The following ERO1A variants were observed in gnomAD, a reference collection of about 807,000 sequenced individuals.
ERO1A encodes the protein ERO1-like protein alpha.
In ERO1A, 49 loss-of-function variants were observed where a neutral mutation model predicts 76.9. The observed-to-expected ratio is 0.64, with a 90% CI of 0.51 to 0.81. The LOEUF (loss-of-function observed/expected upper bound fraction) is 0.81. ERO1A is among the 30% of genes least tolerant of loss of function. ERO1A has a pLI of 0.00. For synonymous variants in ERO1A, 174 were observed against 181.2 expected (o/e 0.96, Z 0.32); for missense variants, 448 against 542.1 (o/e 0.83, Z 1.72).
At chr14:52,681,884 GTA>G (rs1004934110) in intron 3 of ERO1A, among the ~76,000 whole-genome samples, 1 of 152,042 alleles carries the variant, frequency 6.6e-6, no homozygotes, top group Non-Finnish European at 1.5e-5. Context: ...CAGAAAAGAT[GTA>G]AGAGGAAAAT....
chr14:52,669,962 C>T (rs971901718), intron 6 of ERO1A, among the ~76,000 whole-genome samples: 1 of 152,144 alleles, frequency 6.6e-6, no homozygotes, highest in African/African-American at 2.4e-5. Context: ...TCACTCTGTC[C>T]TAGGCTTGGA....
chr14:52,663,549 A>G lies in ERO1A; in HGVS notation c.676+252T>C, dbSNP rs1307806694. ...CGGGAGGCGAAGTTTGCAGTGAGCC[A>G]AAGTCACGCCACTGCACTCCAGCCT... On this transcript the variant is annotated intron_variant, in intron 8 of 15. Transcript: ENST00000395686. Among the ~76,000 whole-genome samples the G allele has an allele frequency of 1.4e-3, 213 of 151,492 alleles. 2 individuals carry two copies. Among genetic ancestry groups the G allele is most frequent in the African/African-American group, 4.9e-3 (203 of 41,068 alleles).
chr14:52,691,503 G>T (rs936761360), intron 1 of ERO1A, among the ~76,000 whole-genome samples: 2 of 152,210 alleles, frequency 1.3e-5, no homozygotes, highest in African/African-American at 4.8e-5. Context: ...CTCTGACTAA[G>T]TTATAATCCT....
chr14:52,682,922 A>G (rs564639977), intron 2 of ERO1A, among the ~76,000 whole-genome samples: 1 of 151,496 alleles, frequency 6.6e-6, no homozygotes, highest in Non-Finnish European at 1.5e-5. Context: ...AAAGACACAG[A>G]TTGGGCTGGG....
chr14:52,652,747 A>C (rs1400738260), intron 12 of ERO1A, among the ~76,000 whole-genome samples: 1 of 152,224 alleles, frequency 6.6e-6, no homozygotes, highest in Non-Finnish European at 1.5e-5. Flanking sequence ...TAATCCCAGC[A>C]CTTTGGGAGG....
intron 1 of ERO1A, among the ~76,000 whole-genome samples, chr14:52,685,919 G>A (rs2041162267): frequency 1.3e-5 from 2 of 152,290 alleles, no homozygotes; most frequent in Middle Eastern, 3.4e-3. Flanking sequence ...CTTCCAGAAA[G>A]CACACAGTAG....
intron 4 of ERO1A, among the ~76,000 whole-genome samples, chr14:52,673,740 A>G (rs2040688514): frequency 2.4e-5 from 1 of 42,146 alleles, no homozygotes; most frequent in Non-Finnish European, 4.3e-5. Context: ...AATTTTAACA[A>G]TTACTCCTTT....
chr14:52,658,934 T>C (rs2040141067), intron 9 of ERO1A, among the ~76,000 whole-genome samples: 1 of 152,110 alleles, frequency 6.6e-6, no homozygotes, highest in South Asian at 2.1e-4. Flanking sequence ...CTGTACAGTG[T>C]TTTCTACTAA....
intron 15 of ERO1A, among the ~76,000 whole-genome samples, chr14:52,644,252 G>A (rs977579890): frequency 3.9e-5 from 6 of 152,080 alleles, no homozygotes; most frequent in African/African-American, 1.4e-4. Context: ...CCAGGAGTTT[G>A]AGACCAGCAA....
chr14:52,644,754 G>A (rs1220391496), intron 15 of ERO1A, among the ~76,000 whole-genome samples: 2 of 151,962 alleles, frequency 1.3e-5, no homozygotes, highest in Non-Finnish European at 2.9e-5. Context: ...TGACTACACT[G>A]TTTTCACTAA....
chr14:52,675,893 G>A (rs766225076), intron 4 of ERO1A, among the ~76,000 whole-genome samples: 3 of 152,078 alleles, frequency 2.0e-5, no homozygotes, highest in Middle Eastern at 6.8e-3. Flanking sequence ...CCATGTTGCC[G>A]AGGCTGGTCT....
intron 1 of ERO1A, among the ~76,000 whole-genome samples, chr14:52,690,957 G>C (rs2041334417): frequency 6.6e-6 from 1 of 152,006 alleles, no homozygotes; most frequent in Admixed American, 6.6e-5. Flanking sequence ...AGTAGAGATG[G>C]GGTTTCTTCA....
intron 9 of ERO1A, among the ~76,000 whole-genome samples, chr14:52,659,750 A>G (rs2040169062): frequency 6.7e-6 from 1 of 149,906 alleles, no homozygotes; most frequent in South Asian, 2.1e-4. Flanking sequence ...GAGTTAGGGG[A>G]TAATACTGCT....
Position 52,692,142 on chromosome 14 carries a change from A to G in ERO1A, c.114+3226T>C, listed in dbSNP as rs1399308985. The stretch of plus-strand genomic sequence containing the variant: ...ATACTCCTGTTGGCATAGTGCTTGC[A>G]TCTTATAATTTCCCTAGGACTTGTT... On this transcript the variant is annotated intron_variant, in intron 1 of 15. Coordinates refer to ENST00000395686, the MANE Select transcript of ERO1A (RefSeq NM_014584.3). 2.0e-5 allele frequency among the ~76,000 whole-genome samples: 3 copies of G among 152,242 alleles called. No homozygotes were observed. In the South Asian group the frequency reaches 6.2e-4, roughly 32 times the overall value.
At chr14:52,646,534 C>CT (rs1443070525) in intron 13 of ERO1A, 73 bp from the exon 14 acceptor site, 1 of 1,170,666 alleles carries the variant, frequency 8.5e-7, no homozygotes, top group East Asian at 2.4e-5. Context: ...TGAGCAGGTT[C>CT]TATGTGCCTA....
intron 12 of ERO1A, among the ~76,000 whole-genome samples, chr14:52,652,824 C>T (rs765848431): frequency 2.2e-4 from 34 of 151,918 alleles, no homozygotes; most frequent in Non-Finnish European, 5.0e-4. Flanking sequence ...ATGGCAAAAC[C>T]CCATCTCTAC....
At chr14:52,662,840 A>G (rs2040271524) in intron 8 of ERO1A, among the ~76,000 whole-genome samples, 2 of 152,224 alleles carry the variant, frequency 1.3e-5, no homozygotes, top group Admixed American at 1.3e-4. Context: ...GTCAGGCTCT[A>G]TATAGAGAGA....
rs2039542387 is a variant in ERO1A, at chr14:52,643,512, G to A, written c.*58C>T. Reference sequence around the variant, plus strand: ...TGTCATTGCTATTATGCCTTTGAATGAAATTCCACTCTTTCGCCTCCATTG... The same window carrying A: ...TGTCATTGCTATTATGCCTTTGAATAAAATTCCACTCTTTCGCCTCCATTG... On this transcript the variant is annotated 3_prime_UTR_variant, in exon 16 of 16. Coordinates refer to ENST00000395686, the MANE Select transcript of ERO1A (RefSeq NM_014584.3). 8.4e-7 allele frequency: 1 copy of A among 1,185,942 alleles called. No individual in the cohort carries two copies. The highest frequency in any genetic ancestry group is 3.3e-5 in the Admixed American group (1 of 30,368). The allele number at this position is 1,185,942 out of a possible 1,614,324, so 73.5% of individuals were successfully genotyped here.
rs1377037732 is a variant in ERO1A, at chr14:52,682,325, A to G, written c.318T>C (p.Ser106=). The G allele has an allele frequency of 6.3e-7, 1 of 1,598,852 alleles. No individual in the cohort carries two copies. Residue 106 remains serine (S), a splice_region_variant and synonymous_variant, in exon 3 of 16, where the codon TCT becomes TCC. Transcript: ENST00000395686. ...TTTTAAATGTATACATGGTTCTTAC[A>G]GATTGACATGGTTTGACAGCACAGT... is the stretch of plus-strand genomic sequence containing the variant. ...RRDCAVKPCQ[S]DEVPDGIKSA... is the part of the protein sequence containing the mutation.
Sources: allele counts gnomAD v4.1 joint callset (sites outside exome capture counted in the v4.1 genomes callset), GRCh38; gene constraint gnomAD v4.1.1; transcripts MANE v1.5; gene names NCBI Gene and HGNC (gene_info 2026-07-23, HGNC 2026-07-21).